The following MYBL1 variants were observed in gnomAD, a reference collection of about 807,000 sequenced individuals.
MYBL1 encodes the protein MYB proto-oncogene like 1.
Under a neutral mutation model 96.3 loss-of-function variants are expected in MYBL1, and 17 were observed. The ratio of observed to expected loss-of-function variants is 0.18; its 90% CI spans 0.12 to 0.26. The LOEUF (loss-of-function observed/expected upper bound fraction) is 0.26. MYBL1 is among the 10% of genes least tolerant of loss of function. The probability of loss-of-function intolerance (pLI) is 1.00; values close to 1 mark genes in which losing one functional copy is unlikely to be tolerated. For synonymous variants in MYBL1, 282 were observed against 292.7 expected (o/e 0.96, Z 0.37); for missense variants, 701 against 882.9 (o/e 0.79, Z 2.61).
chr8:66,606,905 C>A (rs1810335121), intron 1 of MYBL1, among the ~76,000 whole-genome samples: 2 of 152,058 alleles, frequency 1.3e-5, no homozygotes, highest in East Asian at 3.9e-4. Flanking sequence ...ATTCTCCTTC[C>A]TCAGCCTCCC....
rs1486176461 is a variant in MYBL1, at chr8:66,601,725, A to G, written c.171T>C (p.Asp57=). 3.9e-6 allele frequency: 6 copies of G among 1,525,778 alleles called. No homozygotes were observed. The highest frequency in any genetic ancestry group is 2.5e-5 in the East Asian group (1 of 40,466). The allele number at this position is 1,525,778 out of a possible 1,614,324, so 94.5% of individuals were successfully genotyped here. A position where few individuals can be genotyped will look rare whatever the true frequency, so the allele number is the denominator to read the frequency against. ...KKLVEQHGTD[D]WTLIASHLQN... ...GAAGATGACTAGCAATTAGAGTCCA[A>G]TCATCAGTTCCATGTTGTTCAACCA... is the stretch of plus-strand genomic sequence containing the variant. Residue 57 remains aspartate, a synonymous_variant, in exon 3 of 16, where the codon GAT becomes GAC. Transcript: ENST00000522677.
chr8:66,578,129 A>G (rs1327281510), intron 9 of MYBL1, among the ~76,000 whole-genome samples: 1 of 152,056 alleles, frequency 6.6e-6, no homozygotes, highest in Non-Finnish European at 1.5e-5. Context: ...TAAAAACCCG[A>G]GAAGAAAACC....
chr8:66,585,845 C>A (rs892463177), intron 8 of MYBL1, among the ~76,000 whole-genome samples: 1 of 151,940 alleles, frequency 6.6e-6, no homozygotes, highest in Non-Finnish European at 1.5e-5. Flanking sequence ...CAAAAATAGA[C>A]AAATGGGATT....
chr8:66,591,554 T>C (rs994197149), intron 8 of MYBL1, among the ~76,000 whole-genome samples: 1 of 152,116 alleles, frequency 6.6e-6, no homozygotes, highest in East Asian at 1.9e-4. Flanking sequence ...CCAACATCTA[T>C]ATAAAATTTC....
At chr8:66,607,748 C>A (rs1402080605) in intron 1 of MYBL1, among the ~76,000 whole-genome samples, 3 of 149,062 alleles carry the variant, frequency 2.0e-5, no homozygotes, top group African/African-American at 7.4e-5. Flanking sequence ...AGAAGCAGAA[C>A]CTGCTGAAAC....
chr8:66,592,534 A>T lies in MYBL1; in HGVS notation c.773T>A (p.Ile258Asn). The T allele has an allele frequency of 6.3e-7, 1 of 1,583,436 alleles. No individual in the cohort carries two copies. The highest frequency in any genetic ancestry group is 1.4e-5 in the African/African-American group (1 of 73,912). The part of the protein sequence containing the change: ...PTSAFIQQPF[I>N]DEDPDKEKKI... Reference sequence around the variant, plus strand: ...CTTTTCCTTATCAGGATCTTCATCAATGAAGGGTTGCTAAAATAAGTTAAA... The same window carrying T: ...CTTTTCCTTATCAGGATCTTCATCATTGAAGGGTTGCTAAAATAAGTTAAA... Residue 258 changes from isoleucine (I) to asparagine (N), a missense_variant, in exon 8 of 16, where the codon ATT becomes AAT. This residue lies in a region of MYBL1 where 396 missense variants were observed against 407.4 expected (regional missense o/e 0.97). Transcript: ENST00000522677.
chr8:66,580,368 TA>T lies in MYBL1; in HGVS notation c.868-3del, dbSNP rs1287484037. ...CCAGCTAGAAAAACTTCCAGGCTGC[TA>T]AAGGTACAAAAGAAATTTGAATATT... is the stretch of plus-strand genomic sequence containing the variant. On this transcript the variant is annotated splice_polypyrimidine_tract_variant and splice_region_variant and intron_variant, in intron 8 of 15. Coordinates refer to ENST00000522677, the MANE Select transcript of MYBL1 (RefSeq NM_001080416.4). 12 of 1,579,088 alleles carry T rather than the reference TA, an allele frequency of 7.6e-6. No homozygotes were observed. The highest frequency in any genetic ancestry group is 1.0e-5 in the Non-Finnish European group (12 of 1,152,270).
chr8:66,589,868 CA>C (rs1809567831), intron 8 of MYBL1, among the ~76,000 whole-genome samples: 1 of 152,060 alleles, frequency 6.6e-6, no homozygotes. Flanking sequence ...TTTGCAGTTT[CA>C]AAACAGAAAC....
chr8:66,565,592 A>G (rs1808472432), intron 15 of MYBL1: 2 of 151,724 alleles, frequency 1.3e-5, no homozygotes, highest in African/African-American at 4.9e-5. Flanking sequence ...AATTTTTCCA[A>G]CCTTCATTTG....
intron 4 of MYBL1, among the ~76,000 whole-genome samples, chr8:66,597,859 A>C (rs1297986740): frequency 1.3e-5 from 2 of 150,312 alleles, no homozygotes; most frequent in Non-Finnish European, 3.0e-5. Flanking sequence ...AAAAAAAAAA[A>C]AAAAAAAAAA....
intron 1 of MYBL1, chr8:66,612,126 AAC>A (rs1329993392): frequency 6.6e-6 from 1 of 152,226 alleles, no homozygotes; most frequent in Non-Finnish European, 1.5e-5. Flanking sequence ...GTCAGAGCCA[AAC>A]ACAGACACTC....
intron 8 of MYBL1, among the ~76,000 whole-genome samples, chr8:66,584,874 A>T (rs781474296): frequency 2.0e-5 from 3 of 151,930 alleles, no homozygotes; most frequent in Non-Finnish European, 4.4e-5. Context: ...AAACACTGAT[A>T]AAAAAAATTG....
In MYBL1 at chr8:66,563,684, C is replaced by G. The variant is rs1808398767; in HGVS notation, c.*1013G>C. On this transcript the variant is annotated 3_prime_UTR_variant, in exon 16 of 16. Transcript: ENST00000522677. ...CAAATCACCAGATTAATGTATATGACCACCCCCGATATAATTTAAAAAGAA... is the reference window on the plus strand; with the variant it reads ...CAAATCACCAGATTAATGTATATGAGCACCCCCGATATAATTTAAAAAGAA... 6.6e-6 allele frequency: 1 copy of G among 152,042 alleles called. No individual in the cohort carries two copies. Among genetic ancestry groups the G allele is most frequent in the Non-Finnish European group, 1.5e-5 (1 of 67,908 alleles). The allele number at this position is 152,042 out of a possible 1,614,324, so 9.4% of individuals were successfully genotyped here.
At chr8:66,597,587 C>T (rs750148641) in intron 4 of MYBL1, 37 bp from the exon 5 acceptor site, 7 of 1,274,476 alleles carry the variant, frequency 5.5e-6, no homozygotes, top group South Asian at 1.4e-5. Flanking sequence ...AAAAGCATTA[C>T]CTTCAAAGAA....
At chr8:66,572,861 G>T (rs1046668060) in intron 11 of MYBL1, among the ~76,000 whole-genome samples, 4 of 152,072 alleles carry the variant, frequency 2.6e-5, no homozygotes, top group Non-Finnish European at 4.4e-5. Flanking sequence ...ATCAAAGTTT[G>T]ACACTATATT....
chr8:66,595,779 T>G, intron 5 of MYBL1, 22 bp from the exon 6 acceptor site: 1 of 1,437,420 alleles, frequency 7.0e-7, no homozygotes, highest in Non-Finnish European at 9.2e-7. Flanking sequence ...AAGGTATGAT[T>G]TAAAAAGAAA....
At chr8:66,571,871 C>T (rs1324166935) in intron 12 of MYBL1, among the ~76,000 whole-genome samples, 5 of 144,928 alleles carry the variant, frequency 3.4e-5, no homozygotes, top group East Asian at 2.0e-4. Flanking sequence ...AGCAAGACTG[C>T]GTCTCAAAAA....
chr8:66,588,149 T>C (rs1809493402), intron 8 of MYBL1, among the ~76,000 whole-genome samples: 1 of 152,032 alleles, frequency 6.6e-6, no homozygotes, highest in South Asian at 2.1e-4. Context: ...GAACACGTGG[T>C]TCCCTCCAAA....
intron 1 of MYBL1, among the ~76,000 whole-genome samples, chr8:66,611,697 C>T (rs1810534165): frequency 6.6e-6 from 1 of 152,178 alleles, no homozygotes; most frequent in Admixed American, 6.5e-5. Context: ...AACTAATAAG[C>T]TTACAGAGAC....
Sources: gnomAD v4.1 joint callset for allele counts (sites outside exome capture counted in the v4.1 genomes callset) on GRCh38, gnomAD v4.1.1 for gene constraint, gnomAD v4.1.1 regional missense constraint, MANE v1.5 for transcripts, NCBI Gene and HGNC (gene_info 2026-07-23, HGNC 2026-07-21) for gene names.